The following COL23A1 variants were observed in gnomAD, a reference collection of about 807,000 sequenced individuals.
COL23A1 encodes the protein collagen alpha-1(XXIII) chain.
COL23A1 carries 97 observed loss-of-function variants against 99.3 expected under a neutral mutation model. That is an observed-to-expected ratio of 0.98 (90% confidence interval 0.83 to 1.16). COL23A1 has a LOEUF of 1.16. Ranked by LOEUF, COL23A1 falls within the 50% of genes most tolerant of loss-of-function variation. The pLI, the probability that COL23A1 is intolerant of heterozygous loss-of-function variation, is 0.00. For synonymous variants in COL23A1, 320 were observed against 308.2 expected (o/e 1.04, Z -0.40); for missense variants, 762 against 757.4 (o/e 1.01, Z -0.07).
intron 2 of COL23A1, among the ~76,000 whole-genome samples, chr5:178,465,617 C>G (rs920438751): frequency 6.6e-6 from 1 of 152,218 alleles, no homozygotes; most frequent in Non-Finnish European, 1.5e-5. Context: ...CCACTCTGGC[C>G]TCAGCGTGCT....
At chr5:178,461,551 G>A (rs1232053463) in intron 2 of COL23A1, among the ~76,000 whole-genome samples, 1 of 152,188 alleles carries the variant, frequency 6.6e-6, no homozygotes, top group Non-Finnish European at 1.5e-5. Context: ...GATAACTGTG[G>A]GAATGCTTTG....
intron 2 of COL23A1, among the ~76,000 whole-genome samples, chr5:178,557,709 C>A (rs538233566): frequency 1.8e-4 from 28 of 152,322 alleles, no homozygotes; most frequent in African/African-American, 6.7e-4. Flanking sequence ...TCTCCACACT[C>A]CAAAAGCCCG....
chr5:178,373,233 G>C (rs1362514776), intron 2 of COL23A1, among the ~76,000 whole-genome samples: 2 of 152,086 alleles, frequency 1.3e-5, no homozygotes, highest in African/African-American at 4.8e-5. Context: ...TGCCTCTCCT[G>C]GCCTTGGTTT....
chr5:178,579,000 A>T (rs1763530966), intron 1 of COL23A1, among the ~76,000 whole-genome samples: 1 of 152,212 alleles, frequency 6.6e-6, no homozygotes, highest in Non-Finnish European at 1.5e-5. Context: ...ATAAACCAAA[A>T]AATGGGGTCA....
At chr5:178,539,015 C>A (rs192012750) in intron 2 of COL23A1, among the ~76,000 whole-genome samples, 1 of 152,148 alleles carries the variant, frequency 6.6e-6, no homozygotes, top group African/African-American at 2.4e-5. Context: ...ATGAGATGTC[C>A]GGAAAAGGCA....
Position 178,360,438 on chromosome 5 carries a change from C to T in COL23A1, c.362-53519G>A, listed in dbSNP as rs1037107395. Among the ~76,000 whole-genome samples the T allele has an allele frequency of 5.3e-5, 8 of 152,328 alleles. No individual in the cohort carries two copies. The East Asian group carries it at 5.8e-4, about 11-fold the overall frequency. The stretch of plus-strand genomic sequence containing the variant: ...TCCAGGGAGAAGCTGCCATGGGAAC[C>T]GCATGCTCCTGGGGAGCCAGGCTGG... On this transcript the variant is annotated intron_variant, in intron 2 of 28. Coordinates refer to ENST00000390654, the MANE Select transcript of COL23A1 (RefSeq NM_173465.4).
rs762620026 is a variant in COL23A1, at chr5:178,358,401, GTA to G, written c.362-51484_362-51483del. 2.8e-3 allele frequency among the ~76,000 whole-genome samples: 334 copies of G among 120,962 alleles called. 4 individuals are homozygous for G. Among genetic ancestry groups the G allele is most frequent in the Admixed American group, 5.2e-3 (60 of 11,640 alleles). 79.4% of individuals were successfully genotyped at this position (120,962 alleles called of 152,430 possible). A position where few individuals can be genotyped will look rare whatever the true frequency, so the allele number is the denominator to read the frequency against. On this transcript the variant is annotated intron_variant, in intron 2 of 28. Coordinates refer to ENST00000390654, the MANE Select transcript of COL23A1 (RefSeq NM_173465.4). ...ATGTCTAATGTGTGTATGTGTATGT[GTA>G]TGTGTGTATGTGTATGTGTGTGTAT...
chr5:178,311,792 G>A (rs1205427271), intron 2 of COL23A1, among the ~76,000 whole-genome samples: 2 of 148,114 alleles, frequency 1.4e-5, no homozygotes, highest in East Asian at 2.0e-4. Context: ...GTGCAGTGGC[G>A]TGATCTCGGC....
At chr5:178,509,273 G>A (rs1029613748) in intron 2 of COL23A1, among the ~76,000 whole-genome samples, 2 of 151,498 alleles carry the variant, frequency 1.3e-5, no homozygotes, top group Non-Finnish European at 2.9e-5. Flanking sequence ...CCAGGCTGGA[G>A]TGCAGTGACG....
At chr5:178,553,714 G>A (rs936750025) in intron 2 of COL23A1, among the ~76,000 whole-genome samples, 4 of 152,138 alleles carry the variant, frequency 2.6e-5, no homozygotes, top group Non-Finnish European at 5.9e-5. Flanking sequence ...GAGGGTTCAC[G>A]GCCACACACT....
At chr5:178,398,548 A>G (rs1307023180) in intron 2 of COL23A1, among the ~76,000 whole-genome samples, 1 of 152,058 alleles carries the variant, frequency 6.6e-6, no homozygotes, top group African/African-American at 2.4e-5. Flanking sequence ...GATTGCTTGA[A>G]CCTGGGAGGT....
chr5:178,366,665 A>C lies in COL23A1; in HGVS notation c.362-59746T>G, dbSNP rs925835426. Among the ~76,000 whole-genome samples the C allele has an allele frequency of 6.6e-6, 1 of 152,126 alleles. No homozygotes were observed. Among genetic ancestry groups the C allele is most frequent in the Non-Finnish European group, 1.5e-5 (1 of 68,024 alleles). On this transcript the variant is annotated intron_variant, in intron 2 of 28. Transcript: ENST00000390654. This position sits in a 1 kb window ranked among gnomAD's most constrained non-coding sequence, Gnocchi z 4.4. ...CCACTCTCCAGCTACCCCTAGAACC[A>C]AAACAGCATCCTGCCGCTGCCACGG...
At chr5:178,441,977 T>C (rs1206948363) in intron 2 of COL23A1, among the ~76,000 whole-genome samples, 3 of 152,036 alleles carry the variant, frequency 2.0e-5, no homozygotes, top group African/African-American at 7.2e-5. Flanking sequence ...CATGCCTCAG[T>C]TTCCCTGCCC....
intron 4 of COL23A1, chr5:178,288,652 G>A (rs1179426578): frequency 5.7e-6 from 3 of 525,902 alleles, no homozygotes; most frequent in Non-Finnish European, 1.1e-5. Context: ...GGGACGTGGG[G>A]TTCTGGAGGG....
intron 2 of COL23A1, among the ~76,000 whole-genome samples, chr5:178,514,254 A>G (rs1759379122): frequency 6.6e-6 from 1 of 152,162 alleles, no homozygotes; most frequent in African/African-American, 2.4e-5. Flanking sequence ...TTCCTTTTTA[A>G]GGCTGACACT....
At chr5:178,467,714 A>T (rs770608881) in intron 2 of COL23A1, among the ~76,000 whole-genome samples, 4 of 152,200 alleles carry the variant, frequency 2.6e-5, no homozygotes, top group Non-Finnish European at 5.9e-5. Context: ...TACTGATTTA[A>T]TTCTTTTTAA....
At chr5:178,246,203 C>G in intron 24 of COL23A1, 51 bp downstream of exon 24, 2 of 1,546,084 alleles carry the variant, frequency 1.3e-6, no homozygotes, top group Non-Finnish European at 1.8e-6. Context: ...CTGAGCGCCA[C>G]CATGACCAGG....
At chr5:178,305,990 C>T (rs538909597) in intron 3 of COL23A1, among the ~76,000 whole-genome samples, 168 of 151,958 alleles carry the variant, frequency 1.1e-3, no homozygotes, top group African/African-American at 3.9e-3. Context: ...CGTCCAACCT[C>T]GGGGACCCGG....
At chr5:178,435,372 G>T (rs1037157446) in intron 2 of COL23A1, among the ~76,000 whole-genome samples, 1 of 152,142 alleles carries the variant, frequency 6.6e-6, no homozygotes, top group East Asian at 1.9e-4. Context: ...AGCCCCAAGT[G>T]ATCTTCACCT....
Sources: gnomAD v4.1 joint callset for allele counts (sites outside exome capture counted in the v4.1 genomes callset) on GRCh38, gnomAD v4.1.1 for gene constraint, Gnocchi (gnomAD v3.1) non-coding constraint, MANE v1.5 for transcripts, NCBI Gene and HGNC (gene_info 2026-07-23, HGNC 2026-07-21) for gene names.